Variants in GTPBP1 observed in about 807,000 individuals in gnomAD.
GTPBP1 encodes GTP binding protein 1.
In GTPBP1, 23 loss-of-function variants were observed where a neutral mutation model predicts 62.0. That is an observed-to-expected ratio of 0.37 (90% CI 0.27 to 0.53). GTPBP1 has a LOEUF of 0.53. GTPBP1 is among the 20% of genes least tolerant of loss of function. GTPBP1 has a pLI of 0.89. For missense variants in GTPBP1, 640 were observed against 917.3 expected (o/e 0.70, Z 3.90); for synonymous variants, 344 against 364.4 (o/e 0.94, Z 0.64).
downstream of GTPBP1, chr22:38,737,815 G>T: frequency 6.4e-6 from 3 of 470,664 alleles, no homozygotes; most frequent in Non-Finnish European, 8.4e-6. The surrounding 1 kb of genome is among the most constrained non-coding windows in gnomAD (Gnocchi z 4.1). Context: ...ACTGCCTGAG[G>T]CTCCAGCTGG....
chr22:38,718,097 C>G (rs2092680747), intron 4 of GTPBP1, among the ~76,000 whole-genome samples: 1 of 152,186 alleles, frequency 6.6e-6, no homozygotes, highest in Non-Finnish European at 1.5e-5. Flanking sequence ...GGCTCTCTGC[C>G]TGAGGCTTTT....
In GTPBP1 at chr22:38,726,576, G is replaced by A. The variant is rs1478177741; in HGVS notation, c.1401+136G>A. On this transcript the variant is annotated intron_variant, in intron 8 of 11. Coordinates refer to ENST00000216044, the MANE Select transcript of GTPBP1 (RefSeq NM_004286.5). The surrounding 1 kb of genome is among the most constrained non-coding windows in gnomAD (Gnocchi z 4.1). ...TTACTGGCTTCATTTTTACAGATGA[G>A]GAAACTGAGGCTCAGAGCCCAGGGA... 4 of 731,186 alleles carry A rather than the reference G, an allele frequency of 5.5e-6. No individual in the cohort carries two copies. Among genetic ancestry groups the A allele is most frequent in the Non-Finnish European group, 9.0e-6 (4 of 442,762 alleles). The allele number at this position is 731,186 out of a possible 1,614,324, so 45.3% of individuals were successfully genotyped here.
downstream of GTPBP1, chr22:38,741,676 C>A: frequency 1.9e-6 from 2 of 1,071,830 alleles, no homozygotes; most frequent in East Asian, 2.5e-5. Context: ...CTGTTTGCTT[C>A]CAGAGCCCTG....
downstream of GTPBP1, chr22:38,740,324 G>A (rs1442161052): frequency 1.2e-6 from 2 of 1,602,016 alleles, no homozygotes; most frequent in African/African-American, 1.3e-5. The surrounding 1 kb of genome is among the most constrained non-coding windows in gnomAD (Gnocchi z 4.8). Flanking sequence ...CCGCCACCGA[G>A]CTCTGCTTCA....
At chr22:38,720,877 G>A (rs1382558912) in intron 4 of GTPBP1, among the ~76,000 whole-genome samples, 1 of 152,170 alleles carries the variant, frequency 6.6e-6, no homozygotes, top group African/African-American at 2.4e-5. Context: ...GGGAAACTGA[G>A]GGCCAGTGAT....
At chr22:38,710,243 A>G (rs2092630496) in intron 2 of GTPBP1, among the ~76,000 whole-genome samples, 1 of 152,222 alleles carries the variant, frequency 6.6e-6, no homozygotes, top group East Asian at 1.9e-4. Flanking sequence ...TATTTTATAC[A>G]TATCTATTAA....
chr22:38,730,719 C>G lies in GTPBP1; in HGVS notation c.*15C>G. ...GCGGCTGCTGAACCTTCCCCTGGCC[C>G]ACCCTCACCACCCAAGGGGTCATCA... On this transcript the variant is annotated 3_prime_UTR_variant, in exon 12 of 12. Coordinates refer to ENST00000216044, the MANE Select transcript of GTPBP1 (RefSeq NM_004286.5). This position sits in a 1 kb window ranked among gnomAD's most constrained non-coding sequence, Gnocchi z 5.6. 7.1e-7 allele frequency: 1 copy of G among 1,407,078 alleles called. No homozygotes were observed. The highest frequency in any genetic ancestry group is 1.2e-5 in the South Asian group (1 of 81,218). The allele number at this position is 1,407,078 out of a possible 1,614,324, so 87.2% of individuals were successfully genotyped here.
chr22:38,709,764 T>C (rs2092627706), intron 2 of GTPBP1, among the ~76,000 whole-genome samples: 1 of 152,222 alleles, frequency 6.6e-6, no homozygotes, highest in Non-Finnish European at 1.5e-5. Context: ...ACTGACTATT[T>C]AGTCTGGATA....
At chr22:38,741,233 A>T (rs1270082801), downstream of GTPBP1, among the ~76,000 whole-genome samples, 2 of 150,776 alleles carry the variant, frequency 1.3e-5, no homozygotes, top group Non-Finnish European at 2.9e-5. Context: ...TCCATGTCTG[A>T]CACACTGAGG....
chr22:38,740,020 A>G (rs1475281649), downstream of GTPBP1: 5 of 1,501,966 alleles, frequency 3.3e-6, no homozygotes, highest in Non-Finnish European at 4.5e-6. The surrounding 1 kb of genome is among the most constrained non-coding windows in gnomAD (Gnocchi z 4.8). Flanking sequence ...GCTAGTGCTT[A>G]GCTGGATAGC....
chr22:38,741,699 C>T (rs1388474995), downstream of GTPBP1: 1 of 800,388 alleles, frequency 1.2e-6, no homozygotes, highest in African/African-American at 1.7e-5. Context: ...TCTCAGCCTT[C>T]TCTGAACCAC....
downstream of GTPBP1, chr22:38,735,952 C>T (rs988413920): frequency 3.9e-6 from 1 of 254,696 alleles, no homozygotes. Context: ...CCCCTGACCC[C>T]AGCCAAGACC....
chr22:38,726,357 A>G lies in GTPBP1; in HGVS notation c.1318A>G (p.Ile440Val). The stretch of plus-strand genomic sequence containing the variant: ...AGACCCCTTGGGTAACTTCCTGTCC[A>G]TTGCTGTCAAATCCATCCATCGCAA... ...GPDPLGNFLS[I>V]AVKSIHRKRM... Residue 440 changes from isoleucine (I) to valine (V), a missense_variant, in exon 8 of 12, where the codon ATT becomes GTT. Ile to Val is a conservative substitution (Grantham distance 29). Around this residue, in one of 4 missense-constraint regions of GTPBP1, gnomAD observed 220 missense variants for 358.1 expected, o/e 0.61. Coordinates refer to ENST00000216044, the MANE Select transcript of GTPBP1 (RefSeq NM_004286.5). This position sits in a 1 kb window ranked among gnomAD's most constrained non-coding sequence, Gnocchi z 4.1. The G allele has an allele frequency of 6.2e-6, 10 of 1,614,042 alleles. No homozygotes were observed. Among genetic ancestry groups the G allele is most frequent in the Non-Finnish European group, 8.5e-6 (10 of 1,179,984 alleles).
Position 38,725,994 on chromosome 22 carries a change from C to T in GTPBP1, c.1074-12C>T. On this transcript the variant is annotated splice_polypyrimidine_tract_variant and intron_variant, in intron 6 of 11. Coordinates refer to ENST00000216044, the MANE Select transcript of GTPBP1 (RefSeq NM_004286.5). Reference sequence around the variant, plus strand: ...TCTCTCCTTTTTTCCTTCCTCTTCTCCCTCTGCTTAGGATGTGCCCGATAT... The same window carrying T: ...TCTCTCCTTTTTTCCTTCCTCTTCTTCCTCTGCTTAGGATGTGCCCGATAT... 2 of 1,613,214 alleles carry T rather than the reference C, an allele frequency of 1.2e-6. No homozygotes were observed. The highest frequency in any genetic ancestry group is 1.7e-6 in the Non-Finnish European group (2 of 1,179,246).
rs1160119499 is a variant in GTPBP1, at chr22:38,727,119, C to T, written c.1402-94C>T. 39 of 1,267,234 alleles carry T rather than the reference C, an allele frequency of 3.1e-5. No individual in the cohort carries two copies. Among genetic ancestry groups the T allele is most frequent in the Non-Finnish European group, 4.1e-5 (38 of 932,204 alleles). 78.5% of individuals were successfully genotyped at this position (1,267,234 alleles called of 1,614,324 possible). On this transcript the variant is annotated intron_variant, in intron 8 of 11. Coordinates refer to ENST00000216044, the MANE Select transcript of GTPBP1 (RefSeq NM_004286.5). This position sits in a 1 kb window ranked among gnomAD's most constrained non-coding sequence, Gnocchi z 6.5. ...GGAAACCAGGCAGAGTTGGGGTGGT[C>T]CCTATCCCTAGAAAGACTCTTGGTC...
At chr22:38,720,746 T>G (rs1034529941) in intron 4 of GTPBP1, among the ~76,000 whole-genome samples, 1 of 152,188 alleles carries the variant, frequency 6.6e-6, no homozygotes, top group Non-Finnish European at 1.5e-5. Context: ...TAATAACAGG[T>G]GCAATTGCTT....
rs905100488 is a variant in GTPBP1 at position 38,730,117 on chromosome 22, G to A, written c.1917+455G>A. ...AGGTGGCTTTGGGATGTGCCAGTGC[G>A]CCTCTTACTCGGCATCTCCTGCCAG... On this transcript the variant is annotated intron_variant, in intron 11 of 11. Transcript: ENST00000216044. The surrounding 1 kb of genome is among the most constrained non-coding windows in gnomAD (Gnocchi z 5.6). 2.6e-5 allele frequency among the ~76,000 whole-genome samples: 4 copies of A among 152,010 alleles called. No homozygotes were observed. The highest frequency in any genetic ancestry group is 2.1e-4 in the South Asian group (1 of 4,826).
downstream of GTPBP1, chr22:38,740,517 G>A: frequency 1.5e-6 from 2 of 1,375,608 alleles, no homozygotes; most frequent in Non-Finnish European, 9.5e-7. The surrounding 1 kb of genome is among the most constrained non-coding windows in gnomAD (Gnocchi z 4.8). Context: ...ACCCCCTAGT[G>A]GGCTCCCGTC....
In GTPBP1 at chr22:38,729,732, G is replaced by A. The variant is rs2043748580; in HGVS notation, c.1917+70G>A. On this transcript the variant is annotated intron_variant, in intron 11 of 11. Transcript: ENST00000216044. ...TGGCTTTTACTCTGATTCGGTGAGG[G>A]TGACATGTAGGCAAGCCTCAAACCT... The A allele has an allele frequency of 2.5e-6, 3 of 1,209,544 alleles. No homozygotes were observed. The South Asian group carries it at 5.7e-5, about 23-fold the overall frequency. 74.9% of individuals were successfully genotyped at this position (1,209,544 alleles called of 1,614,324 possible).
Sources: allele counts gnomAD v4.1 joint callset (sites outside exome capture counted in the v4.1 genomes callset), GRCh38; gene constraint gnomAD v4.1.1; regional missense constraint gnomAD v4.1.1; non-coding constraint Gnocchi (gnomAD v3.1); transcripts MANE v1.5; gene names NCBI Gene and HGNC (gene_info 2026-07-23, HGNC 2026-07-21).